TBX22: variants seen among roughly 807,000 people sequenced by gnomAD.
TBX22 encodes T-box transcription factor TBX22.
A neutral mutation model predicts 30.1 loss-of-function variants in TBX22; 8 were observed. That is an observed-to-expected ratio of 0.27 (90% CI 0.16 to 0.48). The LOEUF is 0.48. Ranked by LOEUF, TBX22 falls within the 20% of genes least tolerant of loss-of-function variation. The pLI is 0.99. For missense variants in TBX22, 463 were observed against 400.5 expected, an observed-to-expected ratio of 1.16 and a Z score of -1.33; for synonymous variants, 173 against 149.1, an observed-to-expected ratio of 1.16 and a Z score of -1.17.
Position 80,023,972 on chromosome X carries a change from T to C in TBX22, c.357-91T>C, listed in dbSNP as rs1170018780. The stretch of plus-strand genomic sequence containing the variant: ...GGAAGGGTATTGTGAGTCCCTTCAC[T>C]TTTTACTGGAGTCAGCATTTGTCCA... On this transcript the variant is annotated intron_variant, in intron 3 of 8. Coordinates refer to ENST00000373296, the MANE Select transcript of TBX22 (RefSeq NM_001109878.2). The C allele has an allele frequency of 9.2e-6, 8 of 865,593 alleles. No individual in the cohort carries two copies. The African/African-American group carries it at 1.6e-4, about 17-fold the overall frequency. The allele number at this position is 865,593 out of a possible 1,213,427, so 71.3% of individuals were successfully genotyped here.
At chrX:80,015,540 C>T (rs1432558583) in intron 1 of TBX22, among the ~76,000 whole-genome samples, 1 of 112,496 alleles carries the variant, frequency 8.9e-6, no homozygotes, top group Non-Finnish European at 1.9e-5. Flanking sequence ...AGAGAGGGAA[C>T]ATCAAAGTGT....
In TBX22 at chrX:80,031,029, T is replaced by G; in HGVS notation, c.1481T>G (p.Val494Gly). ...ATAAGTGGTTCCAACCATCTTAAAG[T>G]GAATGACGACAGTCAAGTTTCTTTT... The part of the protein sequence containing the change: ...RLISGSNHLK[V>G]NDDSQVSFGE... The change falls in exon 9 of 9, where the codon GTG becomes GGG. Residue 494 changes from valine (V) to glycine (G), a missense_variant. By Grantham distance (109) the Val-to-Gly change is moderately radical. Coordinates refer to ENST00000373296, the MANE Select transcript of TBX22 (RefSeq NM_001109878.2). 8.3e-7 allele frequency: 1 copy of G among 1,211,265 alleles called. No individual in the cohort carries two copies. Among genetic ancestry groups the G allele is most frequent in the Non-Finnish European group, 1.1e-6 (1 of 894,812 alleles).
intron 1 of TBX22, among the ~76,000 whole-genome samples, 172 bp downstream of exon 1, chrX:80,015,059 C>G (rs1458715034): frequency 9.0e-6 from 1 of 110,817 alleles, no homozygotes; most frequent in Non-Finnish European, 1.9e-5. Flanking sequence ...GGTTTTGTGA[C>G]AGAGATCTTG....
At chrX:80,022,128 G>GGTTTTGTTTT in intron 1 of TBX22, 140 bp from the exon 2 acceptor site, 1 of 556,480 alleles carries the variant, frequency 1.8e-6, no homozygotes, top group East Asian at 3.7e-5. Context: ...TTGGGTTTGG[G>GGTTTTGTTTT]GTTTTGTTTT....
intron 1 of TBX22, among the ~76,000 whole-genome samples, chrX:80,021,863 C>T (rs1382174744): frequency 8.9e-6 from 1 of 112,433 alleles, no homozygotes; most frequent in East Asian, 2.8e-4. Context: ...TTGCCAATCT[C>T]TGCTCTGCCA....
At chrX:80,022,206 C>T in intron 1 of TBX22, 62 bp from the exon 2 acceptor site, 2 of 1,125,763 alleles carry the variant, frequency 1.8e-6, no homozygotes, top group Non-Finnish European at 2.4e-6. Context: ...GTGTCTCCCC[C>T]TCCCTCCCTA....
At chrX:80,025,473 T>A (rs1282330037) in intron 4 of TBX22, 130 bp from the exon 5 acceptor site, 1 of 556,819 alleles carries the variant, frequency 1.8e-6, no homozygotes, top group Admixed American at 2.4e-5. Context: ...TGTTAGAAAT[T>A]AAGTTGAGTC....
chrX:80,025,854 G>A, intron 5 of TBX22, 77 bp downstream of exon 5: 1 of 979,881 alleles, frequency 1.0e-6, no homozygotes. Context: ...GAGAGGCCAG[G>A]GAGGCTTTTT....
intron 1 of TBX22, 77 bp from the exon 2 acceptor site, chrX:80,022,191 C>T: frequency 9.8e-7 from 1 of 1,016,649 alleles, no homozygotes; most frequent in South Asian, 2.0e-5. Flanking sequence ...CTGTGCCCTC[C>T]GCCTGTGTCT....
Position 80,026,252 on chromosome X carries a change from G to T in TBX22, c.634-452G>T, listed in dbSNP as rs759920194. 3.6e-5 allele frequency among the ~76,000 whole-genome samples: 4 copies of T among 111,736 alleles called. No individual in the cohort carries two copies. In the Admixed American group the frequency reaches 3.8e-4, roughly 11 times the overall value. On this transcript the variant is annotated intron_variant, in intron 5 of 8. Coordinates refer to ENST00000373296, the MANE Select transcript of TBX22 (RefSeq NM_001109878.2). ...TACCCTCATAGGTCCTATTGATCTT[G>T]CACATTCTCACTAGGTGCACCCCAG...
chrX:80,023,953 G>A, intron 3 of TBX22, 110 bp from the exon 4 acceptor site: 1 of 670,228 alleles, frequency 1.5e-6, no homozygotes, highest in Non-Finnish European at 2.4e-6. Context: ...AAAGGGAAGG[G>A]TATTGTGAGT....
chrX:80,019,861 T>G (rs940555269), intron 1 of TBX22, among the ~76,000 whole-genome samples: 1 of 111,356 alleles, frequency 9.0e-6, no homozygotes, highest in African/African-American at 3.3e-5. Context: ...AATAAAAAAA[T>G]TCTGGATGAC....
At chrX:80,027,393 T>TC in intron 7 of TBX22, 73 bp downstream of exon 7, 1 of 513,721 alleles carries the variant, frequency 1.9e-6, no homozygotes, top group Admixed American at 3.2e-5. Flanking sequence ...TTTTTTTTTT[T>TC]CCTGAGATGG....
chrX:80,024,194 G>A (rs375941124), intron 4 of TBX22, 30 bp downstream of exon 4: 897 of 1,165,289 alleles, frequency 7.7e-4, no homozygotes, highest in Non-Finnish European at 9.5e-4. Flanking sequence ...GGTACTCTAT[G>A]CCCAGGCTAG....
chrX:80,029,167 A>T (rs1230165764), intron 8 of TBX22, among the ~76,000 whole-genome samples: 1 of 112,080 alleles, frequency 8.9e-6, no homozygotes, highest in Admixed American at 9.5e-5. Flanking sequence ...CTAGTTTCTT[A>T]AATAACTTTT....
rs1385391243 is a variant in TBX22 at position 80,023,157 on chromosome X, T to C, written c.273T>C (p.Asp91=). 9.1e-6 allele frequency: 11 copies of C among 1,209,912 alleles called. No individual in the cohort carries two copies. Among genetic ancestry groups the C allele is most frequent in the Non-Finnish European group, 1.0e-5 (9 of 894,927 alleles). The change falls in exon 3 of 9, where the codon GAT becomes GAC. Residue 91 remains aspartate, a synonymous_variant. Transcript: ENST00000373296. ...GNSSESLEEK[D]IQMELQGSEL... The stretch of plus-strand genomic sequence containing the variant: ...GCTCTGAAAGTCTGGAAGAGAAAGA[T>C]ATTCAAATGGAGCTTCAAGGATCTG...
chrX:80,027,624 G>A (rs186298451), intron 7 of TBX22, among the ~76,000 whole-genome samples: 61 of 111,894 alleles, frequency 5.5e-4, no homozygotes, highest in African/African-American at 1.9e-3. Flanking sequence ...TGATCTGCCC[G>A]CCTCAGCCTC....
At position 80,030,941 on chromosome X, in the gene TBX22, A is replaced by C. The variant is rs750989813; in HGVS notation, c.1393A>C (p.Ser465Arg). The change falls in exon 9 of 9, where the codon AGT becomes CGT. Residue 465 changes from serine (S) to arginine (R), a missense_variant. Coordinates refer to ENST00000373296, the MANE Select transcript of TBX22 (RefSeq NM_001109878.2). ...LPNSITPEAL[S>R]CSFHPSYDFY... ...AAACTCCATCACCCCAGAAGCACTT[A>C]GTTGCTCCTTTCATCCTTCCTATGA... is the stretch of plus-strand genomic sequence containing the variant. 9.1e-6 allele frequency: 11 copies of C among 1,210,245 alleles called. No individual in the cohort carries two copies. Among genetic ancestry groups the C allele is most frequent in the Non-Finnish European group, 2.2e-6 (2 of 894,840 alleles).
In TBX22 at chrX:80,025,699, G is replaced by T; in HGVS notation, c.555G>T (p.Ser185=). The T allele has an allele frequency of 3.3e-6, 4 of 1,210,903 alleles. No homozygotes were observed. The highest frequency in any genetic ancestry group is 4.5e-6 in the Non-Finnish European group (4 of 894,805). ...RFYVHPDSPC[S]GETWMRQIIS... Reference sequence around the variant, plus strand: ...ATGTTCACCCGGACTCACCCTGCTCGGGAGAGACCTGGATGCGGCAGATCA... The same window carrying T: ...ATGTTCACCCGGACTCACCCTGCTCTGGAGAGACCTGGATGCGGCAGATCA... The change falls in exon 5 of 9, where the codon TCG becomes TCT. Residue 185 remains serine, a synonymous_variant. Coordinates refer to ENST00000373296, the MANE Select transcript of TBX22 (RefSeq NM_001109878.2).
Sources: gnomAD v4.1 joint callset for allele counts (sites outside exome capture counted in the v4.1 genomes callset) on GRCh38, gnomAD v4.1.1 for gene constraint, MANE v1.5 for transcripts, NCBI Gene and HGNC (gene_info 2026-07-23, HGNC 2026-07-21) for gene names.